CNTNAP5: variants seen among roughly 807,000 people sequenced by gnomAD.
The protein encoded by CNTNAP5 is contactin-associated protein-like 5.
In CNTNAP5, 72 loss-of-function variants were observed where a neutral mutation model predicts 150.2. The observed-to-expected ratio is 0.48, with a 90% CI of 0.40 to 0.58. CNTNAP5 has a LOEUF of 0.58. CNTNAP5 is among the 20% of genes least tolerant of loss of function. CNTNAP5 has a pLI of 0.00. For synonymous variants in CNTNAP5, 672 were observed against 619.8 expected (o/e 1.08, Z -1.25); for missense variants, 1,636 against 1,626.2 (o/e 1.01, Z -0.10).
chr2:124,429,544 G>T (rs1219230330), intron 4 of CNTNAP5, among the ~76,000 whole-genome samples: 3 of 152,150 alleles, frequency 2.0e-5, no homozygotes, highest in Non-Finnish European at 4.4e-5. Flanking sequence ...CTGGGAAATG[G>T]CTGGAGCCTG....
At chr2:124,546,503 A>C (rs753994670) in intron 10 of CNTNAP5, among the ~76,000 whole-genome samples, 1 of 152,196 alleles carries the variant, frequency 6.6e-6, no homozygotes, top group Non-Finnish European at 1.5e-5. Flanking sequence ...ACTCATTCAC[A>C]TAAGGAGCTT....
At chr2:124,663,172 T>C (rs145115734) in intron 13 of CNTNAP5, among the ~76,000 whole-genome samples, 251 of 152,304 alleles carry the variant, frequency 1.6e-3, no homozygotes, top group African/African-American at 5.7e-3. Context: ...TACACACCAA[T>C]CTAGTAAAAC....
At chr2:124,491,503 C>T (rs1381999274) in intron 7 of CNTNAP5, among the ~76,000 whole-genome samples, 1 of 151,772 alleles carries the variant, frequency 6.6e-6, no homozygotes, top group African/African-American at 2.4e-5. Flanking sequence ...TGTTGAGGGA[C>T]ACTAAGGTAG....
chr2:124,288,088 C>A (rs1265669607), intron 3 of CNTNAP5, among the ~76,000 whole-genome samples: 1 of 152,070 alleles, frequency 6.6e-6, no homozygotes, highest in Non-Finnish European at 1.5e-5. Context: ...TGTCACCATG[C>A]CTGGCTAATT....
chr2:124,064,016 G>A (rs1162882635), intron 1 of CNTNAP5, among the ~76,000 whole-genome samples: 1 of 152,116 alleles, frequency 6.6e-6, no homozygotes, highest in East Asian at 1.9e-4. Context: ...AGACAACTAT[G>A]TTATGAACAC....
At chr2:124,177,987 C>T (rs1299149368) in intron 1 of CNTNAP5, among the ~76,000 whole-genome samples, 2 of 151,986 alleles carry the variant, frequency 1.3e-5, no homozygotes, top group Non-Finnish European at 2.9e-5. Context: ...GCTGGGATTA[C>T]AGGCACCCAC....
chr2:124,878,300 C>A (rs1202313377), intron 21 of CNTNAP5, among the ~76,000 whole-genome samples: 2 of 152,038 alleles, frequency 1.3e-5, no homozygotes, highest in Non-Finnish European at 2.9e-5. Context: ...GTGACCTGGA[C>A]AAATTACTAA....
Position 124,148,285 on chromosome 2 carries a change from C to A in CNTNAP5, c.83-73420C>A, listed in dbSNP as rs1367606962. On this transcript the variant is annotated intron_variant, in intron 1 of 23. Coordinates refer to ENST00000682447, the MANE Select transcript of CNTNAP5 (RefSeq NM_001367498.1). ...CTGCATTCCAGCCTGGGCAACAGAG[C>A]GAGACCCCCTCTAAAAAAAAAAAGA... 2.0e-5 allele frequency among the ~76,000 whole-genome samples: 3 copies of A among 149,572 alleles called. No homozygotes were observed. The Admixed American group carries it at 2.0e-4, about 10-fold the overall frequency.
At position 124,853,837 on chromosome 2, in the gene CNTNAP5, T is replaced by C. The variant is rs970638800; in HGVS notation, c.3218-11469T>C. The stretch of plus-strand genomic sequence containing the variant: ...CTCCATCCTCACGTAGGCCCTGGCA[T>C]CTTTTGTTCCCCTCTTTGTGTCCAT... On this transcript the variant is annotated intron_variant, in intron 19 of 23. Transcript: ENST00000682447. Among the ~76,000 whole-genome samples, 3 of 152,170 alleles carry C rather than the reference T, an allele frequency of 2.0e-5. No individual in the cohort carries two copies. The South Asian group carries it at 6.2e-4, about 32-fold the overall frequency.
chr2:124,139,836 G>A (rs906147911), intron 1 of CNTNAP5, among the ~76,000 whole-genome samples: 1 of 152,184 alleles, frequency 6.6e-6, no homozygotes, highest in South Asian at 2.1e-4. Context: ...CAGCGTGAGC[G>A]ACGCAGAAGA....
intron 1 of CNTNAP5, among the ~76,000 whole-genome samples, chr2:124,128,843 T>G (rs1020444787): frequency 1.3e-5 from 2 of 152,016 alleles, no homozygotes; most frequent in Non-Finnish European, 2.9e-5. Flanking sequence ...TTCTCACTCA[T>G]AGGTGGGAAT....
intron 19 of CNTNAP5, among the ~76,000 whole-genome samples, chr2:124,861,964 C>T (rs1024284883): frequency 1.3e-5 from 2 of 152,214 alleles, no homozygotes; most frequent in Admixed American, 6.5e-5. Context: ...CAGGCATGTG[C>T]CACCATGCCC....
chr2:124,669,481 G>T (rs1160660622), intron 13 of CNTNAP5, among the ~76,000 whole-genome samples: 1 of 152,190 alleles, frequency 6.6e-6, no homozygotes, highest in Admixed American at 6.5e-5. Flanking sequence ...ACAAGAAGAA[G>T]GTCTTAGGGC....
chr2:124,513,996 T>C (rs566883869), intron 8 of CNTNAP5, among the ~76,000 whole-genome samples: 2 of 152,336 alleles, frequency 1.3e-5, no homozygotes, highest in Non-Finnish European at 2.9e-5. Flanking sequence ...TAAGTTGTCA[T>C]TAATGCCTCG....
At chr2:124,056,698 G>A (rs182095456) in intron 1 of CNTNAP5, among the ~76,000 whole-genome samples, 1 of 152,220 alleles carries the variant, frequency 6.6e-6, no homozygotes, top group Admixed American at 6.5e-5. Flanking sequence ...GACTACTCCT[G>A]CCATGTGGTC....
chr2:124,395,871 A>G (rs1691229684), intron 3 of CNTNAP5, among the ~76,000 whole-genome samples: 1 of 152,172 alleles, frequency 6.6e-6, no homozygotes, highest in Admixed American at 6.5e-5. Context: ...CAAATGCTAG[A>G]ACAGAAAAGC....
At chr2:124,118,571 G>A (rs1683483802) in intron 1 of CNTNAP5, among the ~76,000 whole-genome samples, 1 of 152,132 alleles carries the variant, frequency 6.6e-6, no homozygotes, top group South Asian at 2.1e-4. Flanking sequence ...AGAACATGAA[G>A]AGTGTTTTGG....
chr2:124,042,853 A>G lies in CNTNAP5; in HGVS notation c.82+17121A>G, dbSNP rs1006962631. Reference sequence around the variant, plus strand: ...ATCATCTATGTTTGAAAAATGGGATAAAAACTAAAGGTGCCGAAGTTGCCT... The same window carrying G: ...ATCATCTATGTTTGAAAAATGGGATGAAAACTAAAGGTGCCGAAGTTGCCT... On this transcript the variant is annotated intron_variant, in intron 1 of 23. Coordinates refer to ENST00000682447, the MANE Select transcript of CNTNAP5 (RefSeq NM_001367498.1). Among the ~76,000 whole-genome samples the G allele has an allele frequency of 2.6e-5, 4 of 152,078 alleles. 1 individual carries two copies. The South Asian group carries it at 8.3e-4, about 32-fold the overall frequency.
chr2:124,873,984 T>C (rs557345800), intron 21 of CNTNAP5, among the ~76,000 whole-genome samples: 270 of 152,212 alleles, frequency 1.8e-3, no homozygotes, highest in Non-Finnish European at 3.3e-3. Flanking sequence ...ACATACTCTA[T>C]ACCAGCCACG....
Sources: gnomAD v4.1 joint callset for allele counts (sites outside exome capture counted in the v4.1 genomes callset) on GRCh38, gnomAD v4.1.1 for gene constraint, MANE v1.5 for transcripts, NCBI Gene and HGNC (gene_info 2026-07-23, HGNC 2026-07-21) for gene names.